The following SULF1 variants were observed in gnomAD, a reference collection of about 807,000 sequenced individuals.
SULF1 encodes the protein sulfatase 1, also known as extracellular sulfatase Sulf-1.
SULF1 carries 46 observed loss-of-function variants against 110.5 expected under a neutral mutation model. The observed-to-expected ratio is 0.42, with a 90% CI of 0.33 to 0.53. The LOEUF is 0.53. Among genes scored for constraint, SULF1 ranks in the 20% least tolerant of loss-of-function variants. The pLI is 0.12. For missense variants in SULF1, 941 were observed against 1,094.2 expected (o/e 0.86, Z 1.98); for synonymous variants, 371 against 387.1 (o/e 0.96, Z 0.49).
intron 5 of SULF1, 21 bp downstream of exon 5, chr8:69,564,168 C>A (rs779229034): frequency 3.3e-5 from 54 of 1,612,242 alleles, no homozygotes; most frequent in Non-Finnish European, 4.4e-5. Context: ...GGACTCTTCA[C>A]TTGTTAGTCT....
At chr8:69,544,418 G>A (rs372891296) in intron 3 of SULF1, among the ~76,000 whole-genome samples, 11 of 151,978 alleles carry the variant, frequency 7.2e-5, no homozygotes, top group South Asian at 6.3e-4. Flanking sequence ...ACAGGCATGC[G>A]CCACCACAGC....
chr8:69,551,494 A>G (rs1271616773), intron 3 of SULF1, among the ~76,000 whole-genome samples: 5 of 152,212 alleles, frequency 3.3e-5, no homozygotes, highest in African/African-American at 9.6e-5. Context: ...TCAGTTGTTG[A>G]TGCCTAGGAT....
rs1321386721 is a variant in SULF1, at chr8:69,659,633, A to T, written c.*1098A>T. ...GTAGGGACATAAGTATATACATGTTATCCAATCAAGATGGCTAGAATGGTG... is the reference window on the plus strand; with the variant it reads ...GTAGGGACATAAGTATATACATGTTTTCCAATCAAGATGGCTAGAATGGTG... On this transcript the variant is annotated 3_prime_UTR_variant, in exon 23 of 23. Coordinates refer to ENST00000402687, the MANE Select transcript of SULF1 (RefSeq NM_001128205.2). The T allele has an allele frequency of 6.0e-6, 1 of 167,660 alleles. No individual in the cohort carries two copies. The highest frequency in any genetic ancestry group is 1.3e-5 in the Non-Finnish European group (1 of 76,064). The allele number at this position is 167,660 out of a possible 1,614,324, so 10.4% of individuals were successfully genotyped here.
Position 69,579,160 on chromosome 8 carries a change from CAAAAAAAA to C in SULF1, c.412+2964_412+2971del, listed in dbSNP as rs1179542392. On this transcript the variant is annotated intron_variant, in intron 6 of 22. Coordinates refer to ENST00000402687, the MANE Select transcript of SULF1 (RefSeq NM_001128205.2). ...TGGGAGACAAAGCGAGACTCTGTCT[CAAAAAAAA>C]AAAAAAAAAAAAGGAAAGAAAAACC... 1.6e-3 allele frequency among the ~76,000 whole-genome samples: 82 copies of C among 52,744 alleles called. No individual in the cohort carries two copies. The East Asian group carries it at 0.046, about 30-fold the overall frequency. The allele number at this position is 52,744 out of a possible 152,430, so 34.6% of individuals were successfully genotyped here.
At chr8:69,637,010 C>T (rs1032042415) in intron 19 of SULF1, among the ~76,000 whole-genome samples, 4 of 152,104 alleles carry the variant, frequency 2.6e-5, no homozygotes, top group African/African-American at 7.2e-5. Context: ...AGCTGTTCAT[C>T]GCACGTCACA....
At chr8:69,480,043 A>T (rs1034569199) in intron 1 of SULF1, among the ~76,000 whole-genome samples, 1 of 152,144 alleles carries the variant, frequency 6.6e-6, no homozygotes, top group African/African-American at 2.4e-5. Context: ...CTTATGGAAA[A>T]TCTGTTCTAA....
At chr8:69,597,700 G>A (rs890200365) in intron 8 of SULF1, 3 of 152,064 alleles carry the variant, frequency 2.0e-5, no homozygotes, top group Admixed American at 2.0e-4. Context: ...GTTCCCTATT[G>A]TAATTTTTAT....
intron 1 of SULF1, among the ~76,000 whole-genome samples, chr8:69,478,314 C>T (rs1809386338): frequency 6.6e-6 from 1 of 152,182 alleles, no homozygotes; most frequent in African/African-American, 2.4e-5. Flanking sequence ...TATTTCTACA[C>T]TGTTTCATCA....
At chr8:69,617,428 T>G (rs1459692927) in intron 13 of SULF1, among the ~76,000 whole-genome samples, 3 of 67,848 alleles carry the variant, frequency 4.4e-5, no homozygotes, top group African/African-American at 1.1e-4. Context: ...TATATATATA[T>G]ATATATGTTT....
intron 22 of SULF1, among the ~76,000 whole-genome samples, chr8:69,657,716 G>A (rs1302729028): frequency 6.6e-6 from 1 of 152,160 alleles, no homozygotes; most frequent in African/African-American, 2.4e-5. Flanking sequence ...TTGCTGGTCT[G>A]TATGGCTTTA....
chr8:69,505,147 T>C (rs944382245), intron 3 of SULF1, among the ~76,000 whole-genome samples: 4 of 152,202 alleles, frequency 2.6e-5, no homozygotes, highest in Non-Finnish European at 5.9e-5. Flanking sequence ...TGCCAGATTG[T>C]CCCTTGTTCC....
chr8:69,562,350 G>A (rs1388968181), intron 3 of SULF1, among the ~76,000 whole-genome samples: 1 of 152,152 alleles, frequency 6.6e-6, no homozygotes, highest in Non-Finnish European at 1.5e-5. Flanking sequence ...TTGAGAGATG[G>A]AGCCCTTTCC....
intron 13 of SULF1, among the ~76,000 whole-genome samples, 179 bp from the exon 14 acceptor site, chr8:69,620,856 T>G (rs1362831344): frequency 6.6e-6 from 1 of 152,168 alleles, no homozygotes; most frequent in Non-Finnish European, 1.5e-5. Flanking sequence ...GTGAAAGAAA[T>G]AACTGAGAGT....
At chr8:69,484,136 C>T (rs563880841) in intron 1 of SULF1, among the ~76,000 whole-genome samples, 9 of 152,268 alleles carry the variant, frequency 5.9e-5, no homozygotes, top group Admixed American at 3.9e-4. Flanking sequence ...TCCACATTTT[C>T]CTTTTTTTCC....
rs1805587394 is a variant in SULF1, at chr8:69,576,057, G to A, written c.260G>A (p.Cys87Tyr). The stretch of plus-strand genomic sequence containing the variant: ...AATGCCTTTGTGACTACACCCATGT[G>A]CTGCCCGTCACGGTCCTCCATGCTC... ...FINAFVTTPM[C>Y]CPSRSSMLTG... Residue 87 changes from cysteine (C) to tyrosine (Y), a missense_variant, in exon 6 of 23, where the codon TGC (cysteine) becomes TAC (tyrosine). Transcript: ENST00000402687. The A allele has an allele frequency of 6.2e-7, 1 of 1,614,186 alleles. No homozygotes were observed. The highest frequency in any genetic ancestry group is 8.5e-7 in the Non-Finnish European group (1 of 1,180,034).
intron 3 of SULF1, among the ~76,000 whole-genome samples, chr8:69,516,751 C>A (rs115538471): frequency 6.6e-6 from 1 of 152,122 alleles, no homozygotes; most frequent in African/African-American, 2.4e-5. Context: ...TTGTTACAAA[C>A]AGGCAATGTT....
intron 3 of SULF1, among the ~76,000 whole-genome samples, chr8:69,552,260 G>A (rs558509553): frequency 1.3e-5 from 2 of 152,284 alleles, no homozygotes; most frequent in South Asian, 2.1e-4. Context: ...CTCTTTTAAA[G>A]TGTCCAGTAT....
rs958517671 is a variant in SULF1, at chr8:69,659,722, G to A, written c.*1187G>A. ...CTTTCAACACACTTCCACTGCCTGC[G>A]TAATGAAGTTTTGATTCATTTTTAA... On this transcript the variant is annotated 3_prime_UTR_variant, in exon 23 of 23. Coordinates refer to ENST00000402687, the MANE Select transcript of SULF1 (RefSeq NM_001128205.2). The A allele has an allele frequency of 2.6e-5, 4 of 153,206 alleles. No individual in the cohort carries two copies. The highest frequency in any genetic ancestry group is 4.4e-5 in the Non-Finnish European group (3 of 68,526). The allele number at this position is 153,206 out of a possible 1,614,324, so 9.5% of individuals were successfully genotyped here.
At chr8:69,538,288 T>TTTTTTTTTG (rs1563510390) in intron 3 of SULF1, among the ~76,000 whole-genome samples, 5 of 151,236 alleles carry the variant, frequency 3.3e-5, no homozygotes, top group African/African-American at 9.7e-5. Flanking sequence ...TTTTTTTTTT[T>TTTTTTTTTG]GAGCCATTAA....
Sources: gnomAD v4.1 joint callset for allele counts (sites outside exome capture counted in the v4.1 genomes callset) on GRCh38, gnomAD v4.1.1 for gene constraint, MANE v1.5 for transcripts, NCBI Gene and HGNC (gene_info 2026-07-23, HGNC 2026-07-21) for gene names.